Variants in FLG observed in about 807,000 individuals in gnomAD.
The protein encoded by FLG is epidermal filaggrin.
In FLG, 6 loss-of-function variants were observed where a neutral mutation model predicts 3.8. The observed-to-expected ratio is 1.60, with a 90% CI of 0.87 to 3.15. The LOEUF (loss-of-function observed/expected upper bound fraction) is 3.15, where lower values mean the gene tolerates loss of function less well. Among genes scored for constraint, FLG ranks in the 30% most tolerant of loss-of-function variants. The probability of loss-of-function intolerance (pLI) is 0.00; values close to 1 mark genes in which losing one functional copy is unlikely to be tolerated. For synonymous variants in FLG, 2,551 were observed against 1,931.6 expected (o/e 1.32, Z -8.41); for missense variants, 7,595 against 5,050.9 (o/e 1.50, Z -15.27).
chr1:152,314,976 T>G, intron 2 of FLG: 1 of 536,260 alleles, frequency 1.9e-6, no homozygotes. Flanking sequence ...CTCTTTTTCT[T>G]ATTTTAAAAG....
chr1:152,322,261 C>T (rs1156957434), intron 1 of FLG, among the ~76,000 whole-genome samples: 2 of 150,470 alleles, frequency 1.3e-5, no homozygotes, highest in African/African-American at 2.4e-5. Flanking sequence ...TACTAAAAGT[C>T]CTAGCTAGAG....
In FLG at chr1:152,308,812, C is replaced by G. The variant is rs376562066; in HGVS notation, c.6074G>C (p.Gly2025Ala). ...GTCTCTGACTGCAGATGAAGCTTGT[C>G]CATGCCCAATGCCTGAGTGTCTGGA... ...DSSRHSGIGH[G>A]QASSAVRDSG... The change falls in exon 3 of 3, where the codon GGA (glycine) becomes GCA (alanine). Residue 2025 changes from glycine (G) to alanine (A), a missense_variant. Physicochemically the swap from Gly to Ala is moderately conservative, Grantham distance 60. Transcript: ENST00000368799. 1.2e-6 allele frequency: 2 copies of G among 1,614,060 alleles called. No individual in the cohort carries two copies. Among genetic ancestry groups the G allele is most frequent in the African/African-American group, 1.3e-5 (1 of 74,928 alleles).
chr1:152,322,928 C>T (rs780960878), intron 1 of FLG, among the ~76,000 whole-genome samples: 9 of 150,740 alleles, frequency 6.0e-5, no homozygotes, highest in Non-Finnish European at 1.3e-4. Context: ...TAGGTAAGAC[C>T]ATCTTTAAGA....
Position 152,309,225 on chromosome 1 carries a change from T to C in FLG, c.5661A>G (p.Glu1887=), listed in dbSNP as rs762800801. ...GSRHSGSRHH[E]ASSRADSSRH... is the part of the protein sequence containing the mutation. ...TAGAGCTGTCGGCCCGAGAGGAAGC[T>C]TCATGGTGACGCGACCCTGAGTGCC... Residue 1887 remains glutamate (E), a synonymous_variant, in exon 3 of 3, where the codon GAA becomes GAG. Coordinates refer to ENST00000368799, the MANE Select transcript of FLG (RefSeq NM_002016.2). The C allele has an allele frequency of 6.2e-7, 1 of 1,613,566 alleles. No individual in the cohort carries two copies. Among genetic ancestry groups the C allele is most frequent in the Admixed American group, 1.7e-5 (1 of 59,918 alleles).
Position 152,309,789 on chromosome 1 carries a change from G to C in FLG, c.5097C>G (p.Arg1699=). The change falls in exon 3 of 3, where the codon CGC becomes CGG. Residue 1699 remains arginine (R), a synonymous_variant. Coordinates refer to ENST00000368799, the MANE Select transcript of FLG (RefSeq NM_002016.2). ...CTCCGACTACAGATGAATCTTGTCT[G>C]CGCCCAGTGCCTGAGTCTGTGGAGC... ...ADSSTDSGTG[R]RQDSSVVGDS... 1.9e-6 allele frequency: 3 copies of C among 1,613,932 alleles called. No homozygotes were observed. Among genetic ancestry groups the C allele is most frequent in the Non-Finnish European group, 1.7e-6 (2 of 1,179,988 alleles).
rs370743517 is a variant in FLG at position 152,304,535 on chromosome 1, C to A, written c.10351G>T (p.Glu3451Ter). ...SRRGRQGSHY[E>*]QSVDRSGHSG... ...TGTCCAGACCTATCTACCGATTGCT[C>A]GTAGTGGGATCCCTGCCTTCCTCTT... Residue 3451 changes from glutamate to a stop codon, truncating the protein, a stop_gained, in exon 3 of 3, where the codon GAG (glutamate) becomes TAG (stop). Coordinates refer to ENST00000368799, the MANE Select transcript of FLG (RefSeq NM_002016.2). LOFTEE classifies it low-confidence loss of function (END_TRUNC). 6 of 1,611,858 alleles carry A rather than the reference C, an allele frequency of 3.7e-6. No individual in the cohort carries two copies. The highest frequency in any genetic ancestry group is 1.7e-4 in the Middle Eastern group (1 of 6,052).
chr1:152,305,210 C>T lies in FLG; in HGVS notation c.9676G>A (p.Glu3226Lys), dbSNP rs762948082. 1.4e-5 allele frequency: 22 copies of T among 1,613,388 alleles called. No individual in the cohort carries two copies. Among genetic ancestry groups the T allele is most frequent in the Non-Finnish European group, 1.8e-5 (21 of 1,179,920 alleles). The change falls in exon 3 of 3, where the codon GAA becomes AAA. Residue 3226 changes from glutamate (E) to lysine (K), a missense_variant. Physicochemically the swap from Glu to Lys is moderately conservative, Grantham distance 56 (BLOSUM62 1). Transcript: ENST00000368799. ...GACCCAGACCACCTCTCAGAGTCTT[C>T]TGAATGTCCCTCACTGTCACTGTCC... ...SQDSDSEGHS[E>K]DSERWSGSAS...
In FLG at chr1:152,304,223, A is replaced by T; in HGVS notation, c.10663T>A (p.Trp3555Arg). ...TGGTTTCTGGAAGCAGACCCAGACC[A>T]CCTCTCAGAGTCTTCTGAGTGTCCC... ...SQGHSEDSERWSGSASRNHRG... is the reference protein window; with the variant it reads ...SQGHSEDSERRSGSASRNHRG... Residue 3555 changes from tryptophan to arginine, a missense_variant, in exon 3 of 3, where the codon TGG becomes AGG. By Grantham distance (101) the Trp-to-Arg change is moderately radical (BLOSUM62 -3). Transcript: ENST00000368799. The T allele has an allele frequency of 6.3e-7, 1 of 1,575,184 alleles. No homozygotes were observed. Among genetic ancestry groups the T allele is most frequent in the Non-Finnish European group, 8.6e-7 (1 of 1,166,786 alleles).
chr1:152,318,126 C>T (rs970920265), intron 1 of FLG, among the ~76,000 whole-genome samples: 2 of 151,870 alleles, frequency 1.3e-5, no homozygotes, highest in Non-Finnish European at 2.9e-5. Flanking sequence ...TTCCACCCTC[C>T]CCCAACATTT....
rs1652421101 is a variant in FLG at position 152,311,458 on chromosome 1, C to A, written c.3428G>T (p.Gly1143Val). 1 of 1,613,914 alleles carries A rather than the reference C, an allele frequency of 6.2e-7. No homozygotes were observed. Among genetic ancestry groups the A allele is most frequent in the Non-Finnish European group, 8.5e-7 (1 of 1,179,936 alleles). The change falls in exon 3 of 3, where the codon GGA becomes GTA. Residue 1143 changes from glycine (G) to valine (V), a missense_variant. Gly to Val is a moderately radical substitution (Grantham distance 109). Transcript: ENST00000368799. The part of the protein sequence containing the change: ...RTRTSTGRRQ[G>V]SHHEQARDSS... Reference sequence around the variant, plus strand: ...GTCTCGTGCCTGCTCGTGGTGGGATCCTTGTCTTCGTCCAGTGCTGGTCCT... The same window carrying A: ...GTCTCGTGCCTGCTCGTGGTGGGATACTTGTCTTCGTCCAGTGCTGGTCCT...
Position 152,310,171 on chromosome 1 carries a change from C to G in FLG, c.4715G>C (p.Arg1572Thr), listed in dbSNP as rs776888904. The change falls in exon 3 of 3, where the codon AGA becomes ACA. Residue 1572 changes from arginine (R) to threonine (T), a missense_variant. Coordinates refer to ENST00000368799, the MANE Select transcript of FLG (RefSeq NM_002016.2). Reference sequence around the variant, plus strand: ...TTCTCCCTGGCCCACCTGTGAGTGTCTAGAGCTGCCGGCCCGAGTGGAAGG... The same window carrying G: ...TTCTCCCTGGCCCACCTGTGAGTGTGTAGAGCTGCCGGCCCGAGTGGAAGG... ...HEPSTRAGSSRHSQVGQGESA... is the reference protein window; with the variant it reads ...HEPSTRAGSSTHSQVGQGESA... 9 of 1,613,802 alleles carry G rather than the reference C, an allele frequency of 5.6e-6. No individual in the cohort carries two copies. Among genetic ancestry groups the G allele is most frequent in the Non-Finnish European group, 6.8e-6 (8 of 1,179,994 alleles).
At position 152,304,517 on chromosome 1, in the gene FLG, A is replaced by C. The variant is rs751535346; in HGVS notation, c.10369T>G (p.Ser3457Ala). The change falls in exon 3 of 3, where the codon TCT becomes GCT. Residue 3457 changes from serine to alanine, a missense_variant. By Grantham distance (99) the Ser-to-Ala change is moderately conservative. Coordinates refer to ENST00000368799, the MANE Select transcript of FLG (RefSeq NM_002016.2). ...CTGTGATGGGACCCTGAGTGTCCAG[A>C]CCTATCTACCGATTGCTCGTAGTGG... ...GSHYEQSVDR[S>A]GHSGSHHSHT... 8 of 1,611,890 alleles carry C rather than the reference A, an allele frequency of 5.0e-6. No individual in the cohort carries two copies. Among genetic ancestry groups the C allele is most frequent in the Non-Finnish European group, 6.8e-6 (8 of 1,179,430 alleles).
At chr1:152,317,116 C>T (rs1261933015) in intron 1 of FLG, among the ~76,000 whole-genome samples, 1 of 152,086 alleles carries the variant, frequency 6.6e-6, no homozygotes, top group Non-Finnish European at 1.5e-5. Flanking sequence ...CTCTTGCCTA[C>T]CCAAACACTT....
rs368476602 is a variant in FLG, at chr1:152,307,127, C to G, written c.7759G>C (p.Ala2587Pro). ...GCAGATCCATGATGGTTTCTGGAAGCAGACCCAGACCACCTCTCAGAGTCT... is the reference window on the plus strand; with the variant it reads ...GCAGATCCATGATGGTTTCTGGAAGGAGACCCAGACCACCTCTCAGAGTCT... ...SEDSERWSGS[A>P]SRNHHGSAQE... The change falls in exon 3 of 3, where the codon GCT becomes CCT. Residue 2587 changes from alanine to proline, a missense_variant. Physicochemically the swap from Ala to Pro is conservative, Grantham distance 27 (BLOSUM62 -1). Coordinates refer to ENST00000368799, the MANE Select transcript of FLG (RefSeq NM_002016.2). 2 of 1,612,294 alleles carry G rather than the reference C, an allele frequency of 1.2e-6. No individual in the cohort carries two copies. Among genetic ancestry groups the G allele is most frequent in the African/African-American group, 1.4e-5 (1 of 73,674 alleles).
Position 152,309,566 on chromosome 1 carries a change from G to C in FLG, c.5320C>G (p.Gln1774Glu), listed in dbSNP as rs1257334738. The C allele has an allele frequency of 6.2e-7, 1 of 1,613,922 alleles. No homozygotes were observed. Among genetic ancestry groups the C allele is most frequent in the East Asian group, 2.2e-5 (1 of 44,816 alleles). Reference sequence around the variant, plus strand: ...GTGCGTCCATGGGCGGACTCAGACTGTTCATGAGTGCTCACCTGGTAGAGG... The same window carrying C: ...GTGCGTCCATGGGCGGACTCAGACTCTTCATGAGTGCTCACCTGGTAGAGG... Reference protein sequence around the residue: ...SFLYQVSTHEQSESAHGRTGP... With the variant: ...SFLYQVSTHEESESAHGRTGP... The change falls in exon 3 of 3, where the codon CAG becomes GAG. Residue 1774 changes from glutamine (Q) to glutamate (E), a missense_variant. Physicochemically the swap from Gln to Glu is conservative, Grantham distance 29 (BLOSUM62 2). Transcript: ENST00000368799.
chr1:152,317,584 C>T (rs955221986), intron 1 of FLG, among the ~76,000 whole-genome samples: 2 of 151,996 alleles, frequency 1.3e-5, no homozygotes, highest in Non-Finnish European at 2.9e-5. Flanking sequence ...TTAGCCTCCT[C>T]GTTCAGCTCC....
In FLG at chr1:152,308,656, C is replaced by T. The variant is rs753070694; in HGVS notation, c.6230G>A (p.Arg2077His). The T allele has an allele frequency of 2.9e-5, 47 of 1,614,166 alleles. No individual in the cohort carries two copies. The highest frequency in any genetic ancestry group is 1.4e-4 in the South Asian group (13 of 91,084). Residue 2077 changes from arginine (R) to histidine (H), a missense_variant, in exon 3 of 3, where the codon CGT (arginine) becomes CAT (histidine). Arg to His is a conservative substitution (Grantham distance 29). Coordinates refer to ENST00000368799, the MANE Select transcript of FLG (RefSeq NM_002016.2). The part of the protein sequence containing the change: ...PHQQSHKESA[R>H]GQSGESSGRS... The stretch of plus-strand genomic sequence containing the variant: ...TCCAGAGCTTTCCCCTGACTGGCCA[C>T]GTGCGGACTCTTTGTGGCTCTGCTG...
At position 152,309,950 on chromosome 1, in the gene FLG, A is replaced by G. The variant is rs140491110; in HGVS notation, c.4936T>C (p.Ser1646Pro). The change falls in exon 3 of 3, where the codon TCT (serine) becomes CCT (proline). Residue 1646 changes from serine (S) to proline (P), a missense_variant. Ser to Pro is a moderately conservative substitution (Grantham distance 74). Coordinates refer to ENST00000368799, the MANE Select transcript of FLG (RefSeq NM_002016.2). The stretch of plus-strand genomic sequence containing the variant: ...CCTGATTGTCTGGAGCTCTCTGCAG[A>G]GTGCCCATGACTGGCTCTATCTTCT... ...HQEDRASHGH[S>P]AESSRQSGTR... The G allele has an allele frequency of 7.1e-5, 114 of 1,613,922 alleles. No individual in the cohort carries two copies. The highest frequency in any genetic ancestry group is 6.2e-5 in the Non-Finnish European group (73 of 1,180,018).
At position 152,304,308 on chromosome 1, in the gene FLG, T is replaced by G. The variant is rs757299634; in HGVS notation, c.10578A>C (p.Ser3526=). 3 of 1,612,116 alleles carry G rather than the reference T, an allele frequency of 1.9e-6. No individual in the cohort carries two copies. In the East Asian group the frequency reaches 6.7e-5, roughly 36 times the overall value. ...GGTTCCTGCTTGTCCTGGGCCCCGC[T>G]GATTGTCCCTGGCCGGACTGTGAGT... The part of the protein sequence containing the change: ...SRHSQSGQGQ[S]AGPRTSRNQG... The change falls in exon 3 of 3, where the codon TCA becomes TCC. Residue 3526 remains serine, a synonymous_variant. Coordinates refer to ENST00000368799, the MANE Select transcript of FLG (RefSeq NM_002016.2).
Sources: allele counts gnomAD v4.1 joint callset (sites outside exome capture counted in the v4.1 genomes callset), GRCh38; gene constraint gnomAD v4.1.1; transcripts MANE v1.5; gene names NCBI Gene and HGNC (gene_info 2026-07-23, HGNC 2026-07-21).